Variants in NARS2 observed in about 807,000 individuals in gnomAD.
The protein encoded by NARS2 is asparaginyl-tRNA synthetase 2, mitochondrial.
In NARS2, 60 loss-of-function variants were observed where a neutral mutation model predicts 62.9. The ratio of observed to expected loss-of-function variants is 0.95; its 90% CI spans 0.77 to 1.18. The LOEUF (loss-of-function observed/expected upper bound fraction) is 1.18. Among genes scored for constraint, NARS2 ranks in the 50% most tolerant of loss-of-function variants. The probability of loss-of-function intolerance (pLI) is 0.00; values close to 1 mark genes in which losing one functional copy is unlikely to be tolerated. For synonymous variants in NARS2, 196 were observed against 200.0 expected (o/e 0.98, Z 0.17); for missense variants, 619 against 576.4 (o/e 1.07, Z -0.76).
intron 5 of NARS2, among the ~76,000 whole-genome samples, chr11:78,553,201 T>C (rs1477381530): frequency 2.0e-5 from 3 of 152,228 alleles, no homozygotes; most frequent in Non-Finnish European, 4.4e-5. Context: ...ATTTCTCTAA[T>C]GATCAGTGAT....
intron 11 of NARS2, among the ~76,000 whole-genome samples, chr11:78,450,059 C>T (rs1442898800): frequency 6.6e-6 from 1 of 152,172 alleles, no homozygotes; most frequent in Non-Finnish European, 1.5e-5. Flanking sequence ...TCACATTCCT[C>T]GACCAATGCA....
intron 5 of NARS2, among the ~76,000 whole-genome samples, chr11:78,544,621 C>T (rs972202112): frequency 1.3e-4 from 19 of 151,852 alleles, no homozygotes; most frequent in Non-Finnish European, 1.0e-4. Flanking sequence ...GGTGAAACCC[C>T]GTCTCTACTA....
intron 6 of NARS2, among the ~76,000 whole-genome samples, chr11:78,520,086 G>A (rs1448866628): frequency 1.3e-5 from 2 of 151,918 alleles, no homozygotes; most frequent in Non-Finnish European, 2.9e-5. Flanking sequence ...AATAATTCAC[G>A]ACTCATATAC....
chr11:78,518,689 T>C lies in NARS2; in HGVS notation c.689+10153A>G, dbSNP rs555372550. The stretch of plus-strand genomic sequence containing the variant: ...CCCGCCACCACGCCCGGCCAATTTT[T>C]TGTATTTTGAGTAGAGATGGGATTT... On this transcript the variant is annotated intron_variant, in intron 6 of 13. Transcript: ENST00000281038. Among the ~76,000 whole-genome samples the C allele has an allele frequency of 2.6e-5, 4 of 152,102 alleles. No homozygotes were observed. The South Asian group carries it at 6.3e-4, about 24-fold the overall frequency.
intron 9 of NARS2, among the ~76,000 whole-genome samples, chr11:78,471,540 TTTTA>T (rs757525738): frequency 5.3e-5 from 8 of 152,176 alleles, no homozygotes; most frequent in Non-Finnish European, 1.2e-4. Flanking sequence ...CTTTTTTTTC[TTTTA>T]TTATTATACT....
intron 6 of NARS2, among the ~76,000 whole-genome samples, chr11:78,505,413 T>C (rs961341513): frequency 2.6e-5 from 4 of 151,742 alleles, no homozygotes; most frequent in African/African-American, 9.7e-5. Flanking sequence ...ACAGATCCAA[T>C]AGCATAGTAT....
At chr11:78,476,027 C>G (rs1438804706) in intron 9 of NARS2, among the ~76,000 whole-genome samples, 1 of 152,190 alleles carries the variant, frequency 6.6e-6, no homozygotes. Flanking sequence ...GTATCTTACA[C>G]AAATGTAAAA....
At chr11:78,570,027 A>G (rs1288469964) in intron 2 of NARS2, among the ~76,000 whole-genome samples, 1 of 152,088 alleles carries the variant, frequency 6.6e-6, no homozygotes, top group African/African-American at 2.4e-5. Context: ...TGTCTCTACT[A>G]AAAATACAAA....
intron 5 of NARS2, among the ~76,000 whole-genome samples, chr11:78,552,058 G>T (rs940448052): frequency 7.2e-5 from 11 of 151,874 alleles, no homozygotes; most frequent in Non-Finnish European, 1.6e-4. Context: ...ATAAACACGT[G>T]TCATGGGAGT....
At chr11:78,462,309 G>C (rs1253077076) in intron 11 of NARS2, among the ~76,000 whole-genome samples, 1 of 152,128 alleles carries the variant, frequency 6.6e-6, no homozygotes, top group African/African-American at 2.4e-5. Flanking sequence ...AGATAATCTA[G>C]GTCCTAATGT....
At chr11:78,563,844 A>ACAAAAC (rs1565287271) in intron 4 of NARS2, among the ~76,000 whole-genome samples, 2 of 66,096 alleles carry the variant, frequency 3.0e-5, no homozygotes, top group African/African-American at 1.5e-4. Context: ...AAAAAAAAAA[A>ACAAAAC]AAAAAAAATA....
intron 11 of NARS2, among the ~76,000 whole-genome samples, chr11:78,444,589 C>A (rs1857686158): frequency 6.6e-6 from 1 of 151,894 alleles, no homozygotes; most frequent in South Asian, 2.1e-4. Context: ...CTTGGTGGTG[C>A]ATGCCTGTAA....
Position 78,515,387 on chromosome 11 carries a change from G to C in NARS2, c.689+13455C>G, listed in dbSNP as rs1027578985. 2.6e-5 allele frequency among the ~76,000 whole-genome samples: 4 copies of C among 152,176 alleles called. No individual in the cohort carries two copies. The East Asian group carries it at 5.8e-4, about 22-fold the overall frequency. Reference sequence around the variant, plus strand: ...ATTCAGTAGTGTTTGCTAGGGGTTGGGGGTAGGAGAAAATGGGAAGTGACT... The same window carrying C: ...ATTCAGTAGTGTTTGCTAGGGGTTGCGGGTAGGAGAAAATGGGAAGTGACT... On this transcript the variant is annotated intron_variant, in intron 6 of 13. Coordinates refer to ENST00000281038, the MANE Select transcript of NARS2 (RefSeq NM_024678.6).
chr11:78,493,598 CAGTG>C (rs1360290888), intron 6 of NARS2, among the ~76,000 whole-genome samples: 1 of 150,570 alleles, frequency 6.6e-6, no homozygotes, highest in Non-Finnish European at 1.5e-5. Flanking sequence ...GTGGAGGCCA[CAGTG>C]AGCCATGTTC....
Position 78,557,830 on chromosome 11 carries a change from A to C in NARS2, c.594+1709T>G, listed in dbSNP as rs147125446. On this transcript the variant is annotated intron_variant, in intron 5 of 13. Coordinates refer to ENST00000281038, the MANE Select transcript of NARS2 (RefSeq NM_024678.6). ...TATATATCTTATATTATATATATAT[A>C]TCTCTCTTATATTTTATATATATAC... is the stretch of plus-strand genomic sequence containing the variant. Among the ~76,000 whole-genome samples, 1,379 of 146,348 alleles carry C rather than the reference A, an allele frequency of 9.4e-3. 17 individuals are homozygous for C. The highest frequency in any genetic ancestry group is 0.03 in the African/African-American group (1,166 of 39,402).
chr11:78,451,626 A>G (rs1366814482), intron 11 of NARS2, among the ~76,000 whole-genome samples: 3 of 152,224 alleles, frequency 2.0e-5, no homozygotes, highest in Admixed American at 2.0e-4. Context: ...TAAAGACAGG[A>G]GGAATTAACT....
intron 7 of NARS2, among the ~76,000 whole-genome samples, chr11:78,488,210 C>G (rs960614903): frequency 1.2e-4 from 18 of 146,782 alleles, no homozygotes; most frequent in African/African-American, 4.6e-4. Context: ...ATCCCAGAAC[C>G]AGTGAGTGTG....
intron 11 of NARS2, among the ~76,000 whole-genome samples, chr11:78,461,709 G>A (rs912650305): frequency 1.3e-5 from 2 of 151,030 alleles, no homozygotes; most frequent in Admixed American, 1.3e-4. Context: ...CACTTTAGGA[G>A]GCTGAGGCGG....
At chr11:78,535,245 A>G (rs1197835510) in intron 5 of NARS2, among the ~76,000 whole-genome samples, 1 of 152,206 alleles carries the variant, frequency 6.6e-6, no homozygotes, top group Non-Finnish European at 1.5e-5. Flanking sequence ...ATGCTGTGGT[A>G]ATTTCTGTTG....
Sources: allele counts gnomAD v4.1 joint callset (sites outside exome capture counted in the v4.1 genomes callset), GRCh38; gene constraint gnomAD v4.1.1; transcripts MANE v1.5; gene names NCBI Gene and HGNC (gene_info 2026-07-23, HGNC 2026-07-21).